The following KLF13 variants were observed in gnomAD, a reference collection of about 807,000 sequenced individuals.
KLF13 encodes the protein KLF transcription factor 13.
Under a neutral mutation model 16.7 loss-of-function variants are expected in KLF13, and 8 were observed. The ratio of observed to expected loss-of-function variants is 0.48; its 90% confidence interval spans 0.28 to 0.87. The LOEUF (loss-of-function observed/expected upper bound fraction) is 0.87. Among genes scored for constraint, KLF13 ranks in the 40% least tolerant of loss-of-function variants. KLF13 has a pLI of 0.10. For synonymous variants in KLF13, 245 were observed against 208.4 expected (o/e 1.18, Z -1.51); for missense variants, 447 against 452.2 (o/e 0.99, Z 0.10).
chr15:31,406,298 G>A (rs549639064), downstream of KLF13, among the ~76,000 whole-genome samples: 4 of 152,300 alleles, frequency 2.6e-5, no homozygotes, highest in East Asian at 1.9e-4. Flanking sequence ...CCAACATGGC[G>A]AAACCCCATC....
chr15:31,335,417 G>C (rs1409810009), intron 1 of KLF13, among the ~76,000 whole-genome samples: 2 of 137,590 alleles, frequency 1.5e-5, no homozygotes, highest in Non-Finnish European at 3.0e-5. Context: ...TTTGCTGTTG[G>C]GCATTGTGTG....
At chr15:31,391,978 G>C (rs2039877824), upstream of KLF13, among the ~76,000 whole-genome samples, 2 of 152,066 alleles carry the variant, frequency 1.3e-5, no homozygotes, top group South Asian at 2.1e-4. Flanking sequence ...GGCCGGAGGC[G>C]GGGGAGCCCT....
chr15:31,419,195 A>G (rs1335488506), intron 1 of KLF13, among the ~76,000 whole-genome samples: 1 of 152,192 alleles, frequency 6.6e-6, no homozygotes, highest in Middle Eastern at 3.2e-3. Context: ...AAGCCAGGCC[A>G]CAAAGACTGA....
At chr15:31,342,194 T>A (rs1233474653) in intron 1 of KLF13, among the ~76,000 whole-genome samples, 1 of 152,180 alleles carries the variant, frequency 6.6e-6, no homozygotes, top group Non-Finnish European at 1.5e-5. Context: ...CTGCACCCTG[T>A]GTCAGTAGTC....
intron 1 of KLF13, among the ~76,000 whole-genome samples, chr15:31,421,786 C>T (rs1178404830): frequency 6.6e-6 from 1 of 152,108 alleles, no homozygotes; most frequent in African/African-American, 2.4e-5. Flanking sequence ...TATGTCCTTT[C>T]CTGTCAGTAA....
intron 1 of KLF13, among the ~76,000 whole-genome samples, chr15:31,342,609 C>T (rs559591653): frequency 9.2e-5 from 14 of 152,322 alleles, no homozygotes; most frequent in Admixed American, 6.5e-4. Context: ...TTTTGTGTCT[C>T]GCCTGGGCTT....
In KLF13 at chr15:31,360,279, G is replaced by A. The variant is rs535026875; in HGVS notation, c.578-11731G>A. 3.3e-5 allele frequency among the ~76,000 whole-genome samples: 5 copies of A among 152,350 alleles called. No homozygotes were observed. In the East Asian group the frequency reaches 9.6e-4, roughly 29 times the overall value. On this transcript the variant is annotated intron_variant, in intron 1 of 1. Coordinates refer to ENST00000307145, the MANE Select transcript of KLF13 (RefSeq NM_015995.4). ...GTGGGCACGGACATGCAGCGGGCAG[G>A]CCTGTGCCGGGAAGAGGGTGGGCTT...
chr15:31,365,399 C>G (rs2039450418), intron 1 of KLF13, among the ~76,000 whole-genome samples: 1 of 152,180 alleles, frequency 6.6e-6, no homozygotes, highest in South Asian at 2.1e-4. Flanking sequence ...TCCCTTCTCC[C>G]TTCCATGAAG....
At chr15:31,391,059 G>A (rs2039857667), upstream of KLF13, among the ~76,000 whole-genome samples, 2 of 139,208 alleles carry the variant, frequency 1.4e-5, no homozygotes, top group South Asian at 5.1e-4. Context: ...CTTCTCTATG[G>A]GGTGGAGGGC....
chr15:31,379,903 A>C (rs1030095745), downstream of KLF13, among the ~76,000 whole-genome samples: 1 of 152,174 alleles, frequency 6.6e-6, no homozygotes, highest in Non-Finnish European at 1.5e-5. Flanking sequence ...GTCTGGCTGC[A>C]TAGTGACCCA....
intron 1 of KLF13, among the ~76,000 whole-genome samples, chr15:31,332,873 G>C (rs1361801386): frequency 6.6e-6 from 1 of 152,168 alleles, no homozygotes; most frequent in East Asian, 1.9e-4. Flanking sequence ...CAGTCAACCA[G>C]CACTGGAACA....
chr15:31,335,465 GTGTGTGTGTGTA>G (rs1429154182), intron 1 of KLF13, among the ~76,000 whole-genome samples: 3,878 of 101,442 alleles, frequency 0.038, 322 homozygotes, highest in African/African-American at 0.12. Flanking sequence ...GTGTGTGTGT[GTGTGTGTGTGTA>G]TGGTGGCGGG....
chr15:31,345,645 G>T (rs1194217317), intron 1 of KLF13, among the ~76,000 whole-genome samples: 3 of 152,214 alleles, frequency 2.0e-5, no homozygotes, highest in African/African-American at 7.2e-5. Flanking sequence ...CTCACCAGGG[G>T]ACCCTGCCCT....
At chr15:31,429,542 T>G (rs2040443429) in intron 1 of KLF13, among the ~76,000 whole-genome samples, 1 of 152,024 alleles carries the variant, frequency 6.6e-6, no homozygotes, top group Non-Finnish European at 1.5e-5. Context: ...ATGAGTGAAC[T>G]TAAAGCCACT....
chr15:31,334,644 T>C (rs1229165927), intron 1 of KLF13, among the ~76,000 whole-genome samples: 1 of 152,112 alleles, frequency 6.6e-6, no homozygotes, highest in East Asian at 1.9e-4. Context: ...GCCAGGCTGG[T>C]TTCGAACTCC....
downstream of KLF13, among the ~76,000 whole-genome samples, chr15:31,409,484 G>T (rs2040166097): frequency 6.6e-6 from 1 of 151,572 alleles, no homozygotes; most frequent in African/African-American, 2.4e-5. Flanking sequence ...GATTCAAGAA[G>T]CTTAGATAAC....
At chr15:31,423,164 T>TATACATAC (rs371896440) in intron 1 of KLF13, among the ~76,000 whole-genome samples, 1 of 25,356 alleles carries the variant, frequency 3.9e-5, no homozygotes, top group Admixed American at 3.8e-4. Flanking sequence ...CGTATATATA[T>TATACATAC]GTATATATAT....
intron 2 of KLF13, among the ~76,000 whole-genome samples, chr15:31,399,778 G>A (rs2040008823): frequency 6.6e-6 from 1 of 152,222 alleles, no homozygotes; most frequent in African/African-American, 2.4e-5. Flanking sequence ...TCTGGCTTAG[G>A]GCTTTTTTGT....
intron 2 of KLF13, among the ~76,000 whole-genome samples, chr15:31,396,340 G>A (rs1174197687): frequency 2.0e-5 from 3 of 151,294 alleles, no homozygotes; most frequent in African/African-American, 7.3e-5. Flanking sequence ...TGCATTTTTA[G>A]TAGAGACAGG....
Sources: allele counts gnomAD v4.1 joint callset (sites outside exome capture counted in the v4.1 genomes callset), GRCh38; gene constraint gnomAD v4.1.1; transcripts MANE v1.5; gene names NCBI Gene and HGNC (gene_info 2026-07-23, HGNC 2026-07-21).